Variants in ADAMTS16 observed in about 807,000 individuals in gnomAD.
ADAMTS16 encodes the protein A disintegrin and metalloproteinase with thrombospondin motifs 16.
A neutral mutation model predicts 145.8 loss-of-function variants in ADAMTS16; 94 were observed. That is an observed-to-expected ratio of 0.64 (90% confidence interval 0.55 to 0.77). The LOEUF is 0.77. ADAMTS16 is among the 30% of genes least tolerant of loss of function. The pLI is 0.00. For missense variants in ADAMTS16, 1,585 were observed against 1,591.5 expected (o/e 1.00, Z 0.07); for synonymous variants, 659 against 604.3 (o/e 1.09, Z -1.33).
chr5:5,214,069 G>A (rs1265616321), intron 10 of ADAMTS16, among the ~76,000 whole-genome samples: 1 of 152,202 alleles, frequency 6.6e-6, no homozygotes, highest in East Asian at 1.9e-4. Context: ...TCTGCAAAGT[G>A]CTCCCAGGCA....
chr5:5,188,117 A>G (rs1403198636), intron 6 of ADAMTS16, among the ~76,000 whole-genome samples: 1 of 152,218 alleles, frequency 6.6e-6, no homozygotes, highest in Non-Finnish European at 1.5e-5. Context: ...CACAAAATAT[A>G]TCTTAGCCAT....
intron 5 of ADAMTS16, 118 bp from the exon 6 acceptor site, chr5:5,187,607 C>A: frequency 1.4e-6 from 1 of 724,304 alleles, no homozygotes; most frequent in Non-Finnish European, 2.5e-6. Context: ...CCTAGCAATA[C>A]AAGAAAGTTA....
At chr5:5,316,527 C>G (rs944892699) in intron 21 of ADAMTS16, among the ~76,000 whole-genome samples, 7 of 152,174 alleles carry the variant, frequency 4.6e-5, no homozygotes, top group Non-Finnish European at 1.0e-4. Flanking sequence ...TGCCTAACCA[C>G]TGATTTATTT....
At chr5:5,250,707 C>CTGTG (rs763835441) in intron 17 of ADAMTS16, among the ~76,000 whole-genome samples, 1,851 of 148,656 alleles carry the variant, frequency 0.012, 44 homozygotes, top group African/African-American at 0.043. Flanking sequence ...TGTCTCTTCT[C>CTGTG]TCTGTGTGTG....
intron 3 of ADAMTS16, among the ~76,000 whole-genome samples, chr5:5,179,472 T>C (rs1579291786): frequency 1.3e-5 from 2 of 152,332 alleles, no homozygotes; most frequent in South Asian, 4.1e-4. Context: ...GAGAAACTAA[T>C]TGGGTAGCGT....
intron 18 of ADAMTS16, among the ~76,000 whole-genome samples, chr5:5,283,131 C>G (rs1215446527): frequency 6.6e-6 from 1 of 151,996 alleles, no homozygotes; most frequent in African/African-American, 2.4e-5. Flanking sequence ...TACCCCTGCC[C>G]TTAGTTTAAA....
intron 17 of ADAMTS16, among the ~76,000 whole-genome samples, chr5:5,247,595 G>A (rs751034468): frequency 2.0e-5 from 3 of 152,184 alleles, no homozygotes; most frequent in Non-Finnish European, 4.4e-5. Flanking sequence ...CACTCATCAG[G>A]GGTGCCGGGG....
chr5:5,160,767 A>AC (rs1479915888), intron 3 of ADAMTS16, among the ~76,000 whole-genome samples: 2 of 151,948 alleles, frequency 1.3e-5, no homozygotes, highest in Non-Finnish European at 2.9e-5. Context: ...CAAAAAAAAA[A>AC]AAAAACCAGC....
intron 4 of ADAMTS16, among the ~76,000 whole-genome samples, chr5:5,184,023 CT>C: frequency 6.6e-6 from 1 of 152,316 alleles, no homozygotes; most frequent in South Asian, 2.1e-4. Flanking sequence ...TCCGTCCCCC[CT>C]GGGGTATGCA....
chr5:5,185,889 T>C (rs1735481823), intron 4 of ADAMTS16, among the ~76,000 whole-genome samples, 163 bp from the exon 5 acceptor site: 1 of 152,232 alleles, frequency 6.6e-6, no homozygotes, highest in Admixed American at 6.5e-5. Flanking sequence ...TTAAATTTAG[T>C]GTGCTACTTT....
intron 21 of ADAMTS16, among the ~76,000 whole-genome samples, chr5:5,311,547 CTTTTTTT>C (rs11315258): frequency 1.6e-5 from 2 of 125,826 alleles, no homozygotes; most frequent in Non-Finnish European, 3.3e-5. Flanking sequence ...TAGTCTGCTC[CTTTTTTT>C]TTTTTTTTTT....
Position 5,262,703 on chromosome 5 carries a change from A to G in ADAMTS16, c.2709A>G (p.Gln903=). The change falls in exon 18 of 23, where the codon CAA becomes CAG. Residue 903 remains glutamine (Q), a synonymous_variant. Transcript: ENST00000274181. ...REGCYRDLKF[Q]VNMSFCNPKT... Reference sequence around the variant, plus strand: ...GCTGCTACAGAGACCTGAAGTTTCAAGTAAATATGTCCTTCTGCAATCCCA... The same window carrying G: ...GCTGCTACAGAGACCTGAAGTTTCAGGTAAATATGTCCTTCTGCAATCCCA... The G allele has an allele frequency of 1.2e-6, 2 of 1,614,216 alleles. No homozygotes were observed. Among genetic ancestry groups the G allele is most frequent in the Non-Finnish European group, 1.7e-6 (2 of 1,180,032 alleles).
At chr5:5,202,012 T>C (rs373941492) in intron 9 of ADAMTS16, among the ~76,000 whole-genome samples, 1 of 152,180 alleles carries the variant, frequency 6.6e-6, no homozygotes, top group Non-Finnish European at 1.5e-5. Flanking sequence ...AAGACACTAT[T>C]TGAGTAGCAG....
intron 8 of ADAMTS16, among the ~76,000 whole-genome samples, 154 bp downstream of exon 8, chr5:5,191,944 G>A (rs1306266699): frequency 6.6e-6 from 1 of 152,086 alleles, no homozygotes; most frequent in Non-Finnish European, 1.5e-5. Context: ...TGTCACTTAG[G>A]ACTTCTGTTT....
At chr5:5,207,506 TC>T (rs565851603) in intron 9 of ADAMTS16, among the ~76,000 whole-genome samples, 16 of 152,302 alleles carry the variant, frequency 1.1e-4, no homozygotes, top group African/African-American at 2.9e-4. Context: ...TTTATTCTTT[TC>T]CAGTCTGTAT....
At chr5:5,243,681 T>A (rs1414587437) in intron 17 of ADAMTS16, among the ~76,000 whole-genome samples, 1 of 152,252 alleles carries the variant, frequency 6.6e-6, no homozygotes, top group Non-Finnish European at 1.5e-5. Context: ...CTTGTACATT[T>A]TCATTTGGTA....
At position 5,140,375 on chromosome 5, in the gene ADAMTS16, C is replaced by G; in HGVS notation, c.-93C>G. 2 of 1,289,954 alleles carry G rather than the reference C, an allele frequency of 1.6e-6. No individual in the cohort carries two copies. Among genetic ancestry groups the G allele is most frequent in the South Asian group, 1.6e-5 (1 of 64,400 alleles). 79.9% of individuals were successfully genotyped at this position (1,289,954 alleles called of 1,614,324 possible). ...GGCGGAGTCGCTGTGGGGAATCCTCCCGCGCTCTGCCTGGGTCGGGTCCTC... is the reference window on the plus strand; with the variant it reads ...GGCGGAGTCGCTGTGGGGAATCCTCGCGCGCTCTGCCTGGGTCGGGTCCTC... On this transcript the variant is annotated 5_prime_UTR_variant, in exon 1 of 23. Transcript: ENST00000274181.
At position 5,161,098 on chromosome 5, in the gene ADAMTS16, A is replaced by G. The variant is rs561345765; in HGVS notation, c.501+14643A>G. ...ACCTATATTTTTGTATGCACATGGCATTATCTATACTATGATAAAATCAAG... is the reference window on the plus strand; with the variant it reads ...ACCTATATTTTTGTATGCACATGGCGTTATCTATACTATGATAAAATCAAG... On this transcript the variant is annotated intron_variant, in intron 3 of 22. Transcript: ENST00000274181. Among the ~76,000 whole-genome samples, 5 of 152,348 alleles carry G rather than the reference A, an allele frequency of 3.3e-5. No individual in the cohort carries two copies. In the South Asian group the frequency reaches 1.0e-3, roughly 32 times the overall value.
At chr5:5,277,706 C>T (rs1441757214) in intron 18 of ADAMTS16, among the ~76,000 whole-genome samples, 2 of 152,092 alleles carry the variant, frequency 1.3e-5, no homozygotes, top group Non-Finnish European at 2.9e-5. Flanking sequence ...CTGGGTGTGG[C>T]GGCTCACCCC....
Sources: gnomAD v4.1 joint callset for allele counts (sites outside exome capture counted in the v4.1 genomes callset) on GRCh38, gnomAD v4.1.1 for gene constraint, MANE v1.5 for transcripts, NCBI Gene and HGNC (gene_info 2026-07-23, HGNC 2026-07-21) for gene names.